Variants in NRXN1 observed in about 807,000 individuals in gnomAD.
The protein encoded by NRXN1 is neurexin-1.
A neutral mutation model predicts 150.9 loss-of-function variants in NRXN1; 39 were observed. The observed-to-expected ratio is 0.26, with a 90% CI of 0.20 to 0.34. The LOEUF (loss-of-function observed/expected upper bound fraction) is 0.34, where lower values mean the gene tolerates loss of function less well. Among genes scored for constraint, NRXN1 ranks in the 10% least tolerant of loss-of-function variants. The pLI is 1.00. For missense variants in NRXN1, 1,815 were observed against 1,949.9 expected, an observed-to-expected ratio of 0.93 and a Z score of 1.30; for synonymous variants, 924 against 757.0, an observed-to-expected ratio of 1.22 and a Z score of -3.62.
At chr2:50,052,706 T>A (rs938757201) in intron 21 of NRXN1, among the ~76,000 whole-genome samples, 1 of 152,168 alleles carries the variant, frequency 6.6e-6, no homozygotes, top group South Asian at 2.1e-4. Flanking sequence ...ATATTTTGGG[T>A]TTGTGTGCTC....
intron 2 of NRXN1, among the ~76,000 whole-genome samples, chr2:50,996,850 G>C (rs962272215): frequency 6.6e-6 from 1 of 151,956 alleles, no homozygotes; most frequent in African/African-American, 2.4e-5. Context: ...TTTACATTAG[G>C]ATTCTTCACA....
Position 49,933,874 on chromosome 2 carries a change from G to C in NRXN1, c.4216+9830C>G, listed in dbSNP as rs529416645. 8.5e-5 allele frequency among the ~76,000 whole-genome samples: 13 copies of C among 152,308 alleles called. No homozygotes were observed. The East Asian group carries it at 2.5e-3, about 29-fold the overall frequency. ...ATCAGCTGTGGCAGTGACCATCAAG[G>C]ACATTATCTCCCCGGGAGTAGTTGT... On this transcript the variant is annotated intron_variant, in intron 22 of 22. Coordinates refer to ENST00000401669, the MANE Select transcript of NRXN1 (RefSeq NM_001330078.2).
At chr2:49,995,642 G>A (rs1258162872) in intron 21 of NRXN1, among the ~76,000 whole-genome samples, 1 of 151,616 alleles carries the variant, frequency 6.6e-6, no homozygotes, top group Admixed American at 6.6e-5. Flanking sequence ...TGAGCCGGGC[G>A]TGGTGGCGGG....
At chr2:50,733,317 G>T (rs1698328780) in intron 5 of NRXN1, among the ~76,000 whole-genome samples, 1 of 151,976 alleles carries the variant, frequency 6.6e-6, no homozygotes, top group African/African-American at 2.4e-5. Flanking sequence ...GTAAAAATTG[G>T]GAAATATTTT....
At chr2:50,529,352 T>C (rs1261328522) in intron 11 of NRXN1, among the ~76,000 whole-genome samples, 1 of 152,188 alleles carries the variant, frequency 6.6e-6, no homozygotes, top group Non-Finnish European at 1.5e-5. Context: ...AACAGTGTTA[T>C]CTCTGTGTAA....
chr2:50,859,708 C>T (rs1327874624), intron 5 of NRXN1, among the ~76,000 whole-genome samples: 1 of 151,374 alleles, frequency 6.6e-6, no homozygotes, highest in African/African-American at 2.4e-5. Flanking sequence ...CTACAGAGTA[C>T]CCACAGTTCT....
intron 18 of NRXN1, among the ~76,000 whole-genome samples, chr2:50,141,560 C>A (rs1401137471): frequency 6.6e-6 from 1 of 151,900 alleles, no homozygotes; most frequent in African/African-American, 2.4e-5. Flanking sequence ...AACTATTCAT[C>A]CAAGGGACTA....
chr2:50,192,414 A>G (rs2061500433), intron 18 of NRXN1, among the ~76,000 whole-genome samples: 1 of 152,198 alleles, frequency 6.6e-6, no homozygotes, highest in Non-Finnish European at 1.5e-5. Context: ...GTGAACATCC[A>G]TTCAATAAAA....
intron 17 of NRXN1, among the ~76,000 whole-genome samples, chr2:50,393,363 C>T (rs997630387): frequency 3.3e-5 from 5 of 152,102 alleles, no homozygotes; most frequent in African/African-American, 1.2e-4. Flanking sequence ...TTTAATTTAT[C>T]TGCTTGCTGA....
At chr2:50,580,935 C>A (rs1367850978) in intron 8 of NRXN1, among the ~76,000 whole-genome samples, 3 of 152,044 alleles carry the variant, frequency 2.0e-5, no homozygotes, top group African/African-American at 7.2e-5. Flanking sequence ...TATGGCCATA[C>A]ACATGAGTAA....
At chr2:50,474,461 T>A (rs1208955871) in intron 15 of NRXN1, among the ~76,000 whole-genome samples, 1 of 151,782 alleles carries the variant, frequency 6.6e-6, no homozygotes, top group African/African-American at 2.4e-5. Context: ...ATTTAAGGAC[T>A]GAGCTCTGGT....
intron 4 of NRXN1, chr2:50,922,431 T>C: frequency 3.3e-6 from 2 of 612,648 alleles, no homozygotes; most frequent in Non-Finnish European, 5.9e-6. Flanking sequence ...TTTGCAAATA[T>C]TATAATGCAA....
intron 5 of NRXN1, among the ~76,000 whole-genome samples, chr2:50,739,611 T>C (rs1160056502): frequency 6.6e-6 from 1 of 152,196 alleles, no homozygotes; most frequent in Non-Finnish European, 1.5e-5. Flanking sequence ...ACTTACTCTA[T>C]TGCATTGGTC....
chr2:50,258,684 G>A (rs1323126201), intron 17 of NRXN1, among the ~76,000 whole-genome samples: 1 of 151,946 alleles, frequency 6.6e-6, no homozygotes, highest in Non-Finnish European at 1.5e-5. Flanking sequence ...GGTTTTCAAT[G>A]TACTTTGTCT....
chr2:50,163,336 T>G (rs2059480739), intron 18 of NRXN1, among the ~76,000 whole-genome samples: 1 of 152,038 alleles, frequency 6.6e-6, no homozygotes, highest in Non-Finnish European at 1.5e-5. Context: ...CACTCAAGAC[T>G]AGAATCAAAC....
intron 2 of NRXN1, among the ~76,000 whole-genome samples, chr2:50,929,804 G>A (rs751946030): frequency 7.9e-5 from 12 of 152,064 alleles, no homozygotes; most frequent in Non-Finnish European, 1.8e-4. Flanking sequence ...TAGTTCCCAT[G>A]GTGGCACAGG....
intron 2 of NRXN1, among the ~76,000 whole-genome samples, chr2:50,937,440 T>C (rs1437775713): frequency 6.6e-6 from 1 of 152,164 alleles, no homozygotes; most frequent in Non-Finnish European, 1.5e-5. Context: ...TTTCTTTTAG[T>C]TGGCAGGATT....
rs1015940068 is a variant in NRXN1, at chr2:50,913,207, T to C, written c.832+8662A>G. Among the ~76,000 whole-genome samples the C allele has an allele frequency of 2.6e-5, 4 of 151,950 alleles. No individual in the cohort carries two copies. In the South Asian group the frequency reaches 6.2e-4, roughly 24 times the overall value. On this transcript the variant is annotated intron_variant, in intron 5 of 22. Transcript: ENST00000401669. ...TCAAACATTATCTGTTCACTGAGTT[T>C]AGAGGAAGATTTCTGGCAGATTTTG...
intron 17 of NRXN1, among the ~76,000 whole-genome samples, chr2:50,447,737 T>TTATATA (rs70948710): frequency 0.017 from 638 of 37,506 alleles, 30 homozygotes; most frequent in South Asian, 0.027. Context: ...CAGGGGAACG[T>TTATATA]TATATATATA....
Sources: allele counts gnomAD v4.1 joint callset (sites outside exome capture counted in the v4.1 genomes callset), GRCh38; gene constraint gnomAD v4.1.1; transcripts MANE v1.5; gene names NCBI Gene and HGNC (gene_info 2026-07-23, HGNC 2026-07-21).